Variants in EHBP1 observed in about 807,000 individuals in gnomAD.
The protein encoded by EHBP1 is EH domain-binding protein 1.
In EHBP1, 55 loss-of-function variants were observed where a neutral mutation model predicts 144.0. The ratio of observed to expected loss-of-function variants is 0.38; its 90% confidence interval spans 0.31 to 0.48. The LOEUF (loss-of-function observed/expected upper bound fraction) is 0.48, where lower values mean the gene tolerates loss of function less well. Among genes scored for constraint, EHBP1 ranks in the 20% least tolerant of loss-of-function variants. The pLI, the probability that EHBP1 is intolerant of heterozygous loss-of-function variation, is 0.98. For missense variants in EHBP1, 1,200 were observed against 1,364.2 expected (o/e 0.88, Z 1.90); for synonymous variants, 469 against 472.7 (o/e 0.99, Z 0.10).
At chr2:62,752,232 C>T (rs969399684) in intron 3 of EHBP1, among the ~76,000 whole-genome samples, 5 of 152,180 alleles carry the variant, frequency 3.3e-5, no homozygotes, top group Admixed American at 6.5e-5. Context: ...GCCTTCATTT[C>T]GTTACGTACC....
chr2:62,756,350 T>G (rs1471231454), intron 3 of EHBP1, among the ~76,000 whole-genome samples: 3 of 152,212 alleles, frequency 2.0e-5, no homozygotes, highest in African/African-American at 7.2e-5. Context: ...AATTTTCCGT[T>G]TGTAATGCTC....
At chr2:62,890,022 C>T (rs1451466077) in intron 10 of EHBP1, among the ~76,000 whole-genome samples, 1 of 143,568 alleles carries the variant, frequency 7.0e-6, no homozygotes, top group Non-Finnish European at 1.5e-5. Flanking sequence ...AGTGCAGTGG[C>T]ACAGTTTTGG....
chr2:62,744,368 G>A (rs1458339748), intron 2 of EHBP1, among the ~76,000 whole-genome samples: 2 of 151,958 alleles, frequency 1.3e-5, no homozygotes, highest in African/African-American at 4.8e-5. Flanking sequence ...TCCTGTCTGT[G>A]GTCTCTTGGG....
rs2056904055 is a variant in EHBP1, at chr2:62,943,656, CTA to C, written c.1365-144_1365-143del. ...TTATTTATTTCTTTAATTTTCCACA[CTA>C]TTAGTTTTGTTGATTGAATTGCTGT... On this transcript the variant is annotated intron_variant, in intron 11 of 22. Transcript: ENST00000431489. The C allele has an allele frequency of 1.1e-5, 5 of 458,900 alleles. No homozygotes were observed. The South Asian group carries it at 2.6e-4, about 24-fold the overall frequency. 28.4% of individuals were successfully genotyped at this position (458,900 alleles called of 1,614,324 possible).
chr2:63,041,578 A>G (rs1414214666), intron 21 of EHBP1, among the ~76,000 whole-genome samples: 1 of 152,224 alleles, frequency 6.6e-6, no homozygotes, highest in Non-Finnish European at 1.5e-5. Flanking sequence ...TTTAAAATCA[A>G]TATGTAATCC....
At chr2:62,853,876 A>G (rs2048850366) in intron 7 of EHBP1, among the ~76,000 whole-genome samples, 1 of 152,170 alleles carries the variant, frequency 6.6e-6, no homozygotes, top group South Asian at 2.1e-4. Flanking sequence ...ATGAGTAGTA[A>G]TATTTTGGAA....
intron 10 of EHBP1, among the ~76,000 whole-genome samples, chr2:62,915,353 C>T (rs542354141): frequency 3.3e-5 from 5 of 151,914 alleles, no homozygotes; most frequent in South Asian, 4.2e-4. Flanking sequence ...ATTTATAAAT[C>T]GGTAGTATAT....
At chr2:62,718,613 T>C (rs2035916355) in intron 2 of EHBP1, among the ~76,000 whole-genome samples, 1 of 152,212 alleles carries the variant, frequency 6.6e-6, no homozygotes, top group East Asian at 1.9e-4. Flanking sequence ...AAATCTGTCA[T>C]TTTAGAAGTT....
rs150067764 is a variant in EHBP1, at chr2:62,748,164, A to G, written c.162+712A>G. Among the ~76,000 whole-genome samples, 164 of 152,242 alleles carry G rather than the reference A, an allele frequency of 1.1e-3. 2 individuals carry two copies. The highest frequency in any genetic ancestry group is 2.0e-3 in the Admixed American group (31 of 15,274). On this transcript the variant is annotated intron_variant, in intron 3 of 22. Coordinates refer to ENST00000431489, the MANE Select transcript of EHBP1 (RefSeq NM_001142616.3). ...TACCACTTACAAAATTGTACCTAAG[A>G]TTAATTTATTTAGATTACAAGATGA...
chr2:62,851,242 T>C (rs1017585624), intron 7 of EHBP1, among the ~76,000 whole-genome samples: 4 of 152,164 alleles, frequency 2.6e-5, no homozygotes, highest in African/African-American at 9.7e-5. Flanking sequence ...AAAGTTCAAA[T>C]TCTTTAGTTT....
intron 5 of EHBP1, chr2:62,771,660 AAT>A (rs1553405597): frequency 8.7e-4 from 142 of 163,362 alleles, no homozygotes; most frequent in East Asian, 2.1e-3. Flanking sequence ...ATATATAAAA[AAT>A]ATATATATAT....
chr2:63,025,072 A>G (rs1400159377), intron 19 of EHBP1, among the ~76,000 whole-genome samples: 1 of 152,248 alleles, frequency 6.6e-6, no homozygotes, highest in Non-Finnish European at 1.5e-5. Flanking sequence ...TTGGTTTTAG[A>G]TAATGGAATT....
At chr2:62,833,117 C>T (rs1234621296) in intron 7 of EHBP1, among the ~76,000 whole-genome samples, 2 of 152,160 alleles carry the variant, frequency 1.3e-5, no homozygotes, top group African/African-American at 4.8e-5. Context: ...GAATATCAAA[C>T]CAGCCATAGC....
intron 10 of EHBP1, among the ~76,000 whole-genome samples, chr2:62,919,470 C>G (rs952064568): frequency 1.3e-5 from 2 of 152,138 alleles, no homozygotes; most frequent in East Asian, 3.9e-4. Flanking sequence ...CAGACTAATC[C>G]TCAGTACAGG....
At chr2:62,679,769 T>C (rs192171025) in intron 1 of EHBP1, among the ~76,000 whole-genome samples, 7 of 152,352 alleles carry the variant, frequency 4.6e-5, no homozygotes, top group Non-Finnish European at 8.8e-5. Context: ...ATTTGGATCA[T>C]TTAATTAAGT....
chr2:62,726,856 A>G (rs1207896424), intron 2 of EHBP1: 3 of 151,626 alleles, frequency 2.0e-5, no homozygotes, highest in Non-Finnish European at 4.4e-5. Context: ...GTTGTTCCCC[A>G]TGTGAGAACT....
rs1358372797 is a variant in EHBP1 at position 62,993,565 on chromosome 2, A to T, written c.2769A>T (p.Gln923His). 1 of 1,601,690 alleles carries T rather than the reference A, an allele frequency of 6.2e-7. No individual in the cohort carries two copies. The highest frequency in any genetic ancestry group is 2.2e-5 in the East Asian group (1 of 44,672). ...AAGATCTCCGGACTGAACGATTACA[A>T]AAAACAACAGAACGTTTTAGAAATC... ...GTEDLRTERL[Q>H]KTTERFRNPV... Residue 923 changes from glutamine to histidine, a missense_variant, in exon 17 of 23, where the codon CAA (glutamine) becomes CAT (histidine). Gln to His is a conservative substitution (Grantham distance 24). Transcript: ENST00000431489.
At chr2:62,712,978 A>G (rs13417905) in intron 2 of EHBP1, among the ~76,000 whole-genome samples, 186 of 152,338 alleles carry the variant, frequency 1.2e-3, no homozygotes, top group Middle Eastern at 0.01. Flanking sequence ...TACCTTTAAA[A>G]TAAATAAATT....
At chr2:62,912,455 G>A (rs2054299969) in intron 10 of EHBP1, among the ~76,000 whole-genome samples, 1 of 152,158 alleles carries the variant, frequency 6.6e-6, no homozygotes, top group South Asian at 2.1e-4. Flanking sequence ...GGGAGGCTGA[G>A]GTAGGGGAAT....
Sources: gnomAD v4.1 joint callset for allele counts (sites outside exome capture counted in the v4.1 genomes callset) on GRCh38, gnomAD v4.1.1 for gene constraint, MANE v1.5 for transcripts, NCBI Gene and HGNC (gene_info 2026-07-23, HGNC 2026-07-21) for gene names.